NLGN3: variants seen among roughly 807,000 people sequenced by gnomAD.
The protein encoded by NLGN3 is neuroligin-3.
A neutral mutation model predicts 42.9 loss-of-function variants in NLGN3; 11 were observed. That is an observed-to-expected ratio of 0.26 (90% CI 0.16 to 0.42). The LOEUF (loss-of-function observed/expected upper bound fraction) is 0.42. Among genes scored for constraint, NLGN3 ranks in the 10% least tolerant of loss-of-function variants. The pLI is 1.00. For synonymous variants in NLGN3, 279 were observed against 312.7 expected, an observed-to-expected ratio of 0.89 and a Z score of 1.14; for missense variants, 374 against 733.8, an observed-to-expected ratio of 0.51 and a Z score of 5.67.
At chrX:71,146,188 C>G (rs1456893689) in intron 1 of NLGN3, among the ~76,000 whole-genome samples, 1,481 of 91,546 alleles carry the variant, frequency 0.016, 56 homozygotes, top group African/African-American at 0.053. Flanking sequence ...CACACACACA[C>G]ACACACACAC....
rs1267214054 is a variant in NLGN3 at position 71,148,898 on chromosome X, G to A, written c.510G>A (p.Arg170=). ...CARKPNKKIC[R]KGGSGAKKQG... ...GAAAGCCCAACAAGAAAATTTGTAG[G>A]AAAGGAGGTAGGTAGCGAGCCGGCG... The change falls in exon 3 of 8, where the codon AGG becomes AGA. Residue 170 remains arginine (R), a synonymous_variant. Transcript: ENST00000358741. The A allele has an allele frequency of 6.3e-6, 7 of 1,116,080 alleles. No homozygotes were observed. The highest frequency in any genetic ancestry group is 8.3e-6 in the Non-Finnish European group (7 of 842,246). 92.0% of individuals were successfully genotyped at this position (1,116,080 alleles called of 1,213,427 possible). A position where few individuals can be genotyped will look rare whatever the true frequency, so the allele number is the denominator to read the frequency against.
chrX:71,164,450 T>C, intron 6 of NLGN3, 122 bp downstream of exon 6: 1 of 696,794 alleles, frequency 1.4e-6, no homozygotes, highest in Non-Finnish European at 2.1e-6. Flanking sequence ...TGGTATCCCT[T>C]TGGCAAGAAG....
At chrX:71,150,793 T>C (rs2092388669) in intron 3 of NLGN3, among the ~76,000 whole-genome samples, 1 of 110,749 alleles carries the variant, frequency 9.0e-6, no homozygotes, top group Admixed American at 9.6e-5. Context: ...GGAAGAATGA[T>C]CGCCCAGTAA....
At chrX:71,160,487 G>T (rs940834413) in intron 5 of NLGN3, among the ~76,000 whole-genome samples, 2 of 111,948 alleles carry the variant, frequency 1.8e-5, no homozygotes, top group Non-Finnish European at 3.8e-5. Context: ...AAAGTGCTGG[G>T]ATTACAGGCA....
chrX:71,162,919 A>C (rs1202773446), intron 5 of NLGN3, among the ~76,000 whole-genome samples: 2 of 111,938 alleles, frequency 1.8e-5, no homozygotes, highest in African/African-American at 6.5e-5. Flanking sequence ...GTGGGTTTCC[A>C]ATGTGTAGGA....
chrX:71,146,771 G>A (rs1193393278), intron 1 of NLGN3, among the ~76,000 whole-genome samples: 1 of 111,425 alleles, frequency 9.0e-6, no homozygotes, highest in Non-Finnish European at 1.9e-5. Context: ...ATTTCTATGA[G>A]TCTCTGAATA....
intron 5 of NLGN3, among the ~76,000 whole-genome samples, chrX:71,159,726 C>CT (rs11456013): frequency 0.51 from 50,222 of 98,473 alleles, 11,860 homozygotes; most frequent in African/African-American, 0.82. Context: ...ATTTTCTTTT[C>CT]TTTTTTTTTT....
At chrX:71,159,890 AT>A (rs748275369) in intron 5 of NLGN3, among the ~76,000 whole-genome samples, 8,268 of 50,390 alleles carry the variant, frequency 0.16, 934 homozygotes, top group African/African-American at 0.37. Context: ...ACGCCCAGCT[AT>A]TTTTTTTTTT....
chrX:71,160,266 G>C (rs113774408), intron 5 of NLGN3, among the ~76,000 whole-genome samples: 4,797 of 103,881 alleles, frequency 0.046, 118 homozygotes, highest in Middle Eastern at 0.074. Context: ...GCTCAGGCTG[G>C]AGTGCAATGG....
In NLGN3 at chrX:71,170,089, C is replaced by T; in HGVS notation, c.2539C>T (p.Arg847Trp). 8.3e-7 allele frequency: 1 copy of T among 1,209,980 alleles called. No homozygotes were observed. Among genetic ancestry groups the T allele is most frequent in the Non-Finnish European group, 1.1e-6 (1 of 895,133 alleles). Residue 847 changes from arginine to tryptophan, a missense_variant, in exon 8 of 8, where the codon CGG becomes TGG. Transcript: ENST00000358741. Reference protein sequence around the residue: ...TGLPHSHSTTRV With the variant: ...TGLPHSHSTTWV ...GCTGCCCCACTCACACTCCACTACC[C>T]GGGTATAGCTCCAACTCAGAGCACA...
chrX:71,171,561 C>G (rs2092471386), downstream of NLGN3: 1 of 319,999 alleles, frequency 3.1e-6, no homozygotes, highest in Non-Finnish European at 4.1e-6. Flanking sequence ...TCCTCCTCCT[C>G]TGCTGCAACC....
intron 3 of NLGN3, 41 bp downstream of exon 3, chrX:71,148,946 G>C (rs1466240233): frequency 7.1e-6 from 6 of 846,258 alleles, no homozygotes; most frequent in Non-Finnish European, 9.6e-6. Context: ...GAGAGAGAGG[G>C]AGGGCTGCCT....
chrX:71,167,078 A>C lies in NLGN3; in HGVS notation c.981A>C (p.Pro327=), dbSNP rs797045794. The C allele has an allele frequency of 9.9e-6, 12 of 1,211,177 alleles. No homozygotes were observed. In the East Asian group the frequency reaches 3.5e-4, roughly 36 times the overall value. The part of the protein sequence containing the change: ...ALSSWAVNYQ[P]VKYTSLLADK... The stretch of plus-strand genomic sequence containing the variant: ...CCAGCTGGGCTGTGAACTACCAACC[A>C]GTGAAGTACACCAGCCTGCTGGCAG... The change falls in exon 7 of 8, where the codon CCA becomes CCC. Residue 327 remains proline (P), a synonymous_variant. Coordinates refer to ENST00000358741, the MANE Select transcript of NLGN3 (RefSeq NM_181303.2).
At chrX:71,151,341 C>T (rs1335608570) in intron 3 of NLGN3, among the ~76,000 whole-genome samples, 1 of 111,858 alleles carries the variant, frequency 8.9e-6, no homozygotes, top group African/African-American at 3.2e-5. Flanking sequence ...CAGCTGGTTT[C>T]CCTAAGTCCC....
chrX:71,157,241 A>G lies in NLGN3; in HGVS notation c.727+1878A>G, dbSNP rs1439473151. 4.5e-5 allele frequency among the ~76,000 whole-genome samples: 5 copies of G among 110,889 alleles called. No individual in the cohort carries two copies. The Admixed American group carries it at 4.8e-4, about 11-fold the overall frequency. On this transcript the variant is annotated intron_variant, in intron 5 of 7. Transcript: ENST00000358741. ...TGCCCAGGCCAGTTTTGAACTCCTG[A>G]GCTCAAGTGATCATCCTCCCACCTC... is the stretch of plus-strand genomic sequence containing the variant.
chrX:71,147,092 G>A (rs1407734315), intron 1 of NLGN3, among the ~76,000 whole-genome samples: 2 of 111,386 alleles, frequency 1.8e-5, no homozygotes, highest in Non-Finnish European at 3.8e-5. Flanking sequence ...GTGTCTTAGT[G>A]TCCCGGAGTG....
rs937606034 is a variant in NLGN3 at position 71,170,454 on chromosome X, C to T, written c.*357C>T. 1.2e-4 allele frequency: 108 copies of T among 918,109 alleles called. No individual in the cohort carries two copies. Among genetic ancestry groups the T allele is most frequent in the Non-Finnish European group, 1.4e-4 (101 of 739,469 alleles). The allele number at this position is 918,109 out of a possible 1,213,427, so 75.7% of individuals were successfully genotyped here. On this transcript the variant is annotated 3_prime_UTR_variant, in exon 8 of 8. Coordinates refer to ENST00000358741, the MANE Select transcript of NLGN3 (RefSeq NM_181303.2). ...AACAGCTGGACACCCCCTTGGTGCTCGCCTTCGGCCTCTCTTGGAACTGCA... is the reference window on the plus strand; with the variant it reads ...AACAGCTGGACACCCCCTTGGTGCTTGCCTTCGGCCTCTCTTGGAACTGCA...
intron 5 of NLGN3, among the ~76,000 whole-genome samples, chrX:71,159,008 A>ACACG (rs2092419859): frequency 1.8e-5 from 2 of 110,748 alleles, no homozygotes; most frequent in African/African-American, 6.6e-5. Context: ...GTGTGCACAC[A>ACACG]CATGCATGTG....
intron 7 of NLGN3, among the ~76,000 whole-genome samples, chrX:71,168,688 C>T (rs1192200894): frequency 1.0e-5 from 1 of 95,899 alleles, no homozygotes; most frequent in Admixed American, 1.2e-4. Context: ...CCCCACCGCA[C>T]TCCAGCCTGT....
Sources: gnomAD v4.1 joint callset for allele counts (sites outside exome capture counted in the v4.1 genomes callset) on GRCh38, gnomAD v4.1.1 for gene constraint, MANE v1.5 for transcripts, NCBI Gene and HGNC (gene_info 2026-07-23, HGNC 2026-07-21) for gene names.